PCDH11X: variants seen among roughly 807,000 people sequenced by gnomAD.
The protein encoded by PCDH11X is protocadherin-11 X-linked.
In PCDH11X, 18 loss-of-function variants were observed where a neutral mutation model predicts 53.3. The observed-to-expected ratio is 0.34, with a 90% CI of 0.23 to 0.50. The LOEUF (loss-of-function observed/expected upper bound fraction) is 0.50, where lower values mean the gene tolerates loss of function less well. PCDH11X is among the 20% of genes least tolerant of loss of function. The pLI is 0.98. For missense variants in PCDH11X, 570 were observed against 1,032.4 expected (o/e 0.55, Z 6.14); for synonymous variants, 279 against 393.3 (o/e 0.71, Z 3.44).
intron 9 of PCDH11X, among the ~76,000 whole-genome samples, chrX:92,421,566 GAACAT>G (rs919513214): frequency 1.8e-5 from 2 of 111,592 alleles, no homozygotes; most frequent in African/African-American, 6.5e-5. Context: ...ATGCTGCAAT[GAACAT>G]ACACTTGCAT....
intron 6 of PCDH11X, among the ~76,000 whole-genome samples, chrX:92,171,081 C>T (rs2065817830): frequency 9.6e-6 from 1 of 104,387 alleles, no homozygotes; most frequent in Non-Finnish European, 2.0e-5. Flanking sequence ...GTGAGATTAT[C>T]AGTGCAAGCC....
intron 8 of PCDH11X, among the ~76,000 whole-genome samples, chrX:92,317,610 C>T (rs5942205): frequency 9.1e-6 from 1 of 109,674 alleles, no homozygotes; most frequent in Non-Finnish European, 1.9e-5. Context: ...AAATCTATAG[C>T]ATATTTTGAA....
chrX:92,172,430 C>A (rs1007869997), intron 6 of PCDH11X, among the ~76,000 whole-genome samples: 1 of 110,003 alleles, frequency 9.1e-6, no homozygotes, highest in African/African-American at 3.3e-5. Context: ...GTCTCTGTTG[C>A]CCAGGCTGGA....
At chrX:92,384,278 G>A (rs2754873) in intron 8 of PCDH11X, among the ~76,000 whole-genome samples, 10 of 107,779 alleles carry the variant, frequency 9.3e-5, no homozygotes, top group Middle Eastern at 4.4e-3. Flanking sequence ...GTAGGTTGCC[G>A]GCTCACTCTG....
intron 6 of PCDH11X, among the ~76,000 whole-genome samples, chrX:91,986,644 C>G (rs954329229): frequency 1.6e-4 from 17 of 109,014 alleles, no homozygotes; most frequent in Admixed American, 4.9e-4. Flanking sequence ...GTCTCTTCCT[C>G]CATCCTCAAA....
Position 91,835,657 on chromosome X carries a change from G to A in PCDH11X, c.153G>A (p.Leu51=), listed in dbSNP as rs1467741568. Residue 51 remains leucine, a synonymous_variant, in exon 5 of 11, where the codon CTG becomes CTA. Coordinates refer to ENST00000682573, the MANE Select transcript of PCDH11X (RefSeq NM_032968.5). ...GDLLKDLNLS[L]IPNKSLTTAM... ...TGTTGAAAGACCTTAACTTGTCGCT[G>A]ATTCCAAACAAGTCCTTGACAACTG... is the stretch of plus-strand genomic sequence containing the variant. 1 of 1,208,995 alleles carries A rather than the reference G, an allele frequency of 8.3e-7. No homozygotes were observed. Among genetic ancestry groups the A allele is most frequent in the Non-Finnish European group, 1.1e-6 (1 of 895,093 alleles).
Position 92,250,943 on chromosome X carries a change from T to G in PCDH11X, c.3115-12171T>G, listed in dbSNP as rs1301978175. On this transcript the variant is annotated intron_variant, in intron 7 of 10. Coordinates refer to ENST00000682573, the MANE Select transcript of PCDH11X (RefSeq NM_032968.5). ...CCATGGCGATTGTTACAGATATCTG[T>G]GAATATAGTAAAAAAAACCTCTGAA... Among the ~76,000 whole-genome samples, 3 of 110,334 alleles carry G rather than the reference T, an allele frequency of 2.7e-5. No homozygotes were observed. The East Asian group carries it at 8.5e-4, about 31-fold the overall frequency.
intron 8 of PCDH11X, among the ~76,000 whole-genome samples, chrX:92,352,264 AC>A (rs2070070746): frequency 8.9e-6 from 1 of 111,743 alleles, no homozygotes; most frequent in Non-Finnish European, 1.9e-5. Context: ...ATATACCCAA[AC>A]CTCTCATTTG....
intron 6 of PCDH11X, among the ~76,000 whole-genome samples, chrX:92,176,848 C>CTG (rs1603114233): frequency 1.8e-5 from 2 of 111,497 alleles, no homozygotes; most frequent in Non-Finnish European, 3.8e-5. Flanking sequence ...AGGCTCCACA[C>CTG]TACAGATCCT....
chrX:91,880,087 T>A, intron 6 of PCDH11X: 3 of 227,848 alleles, frequency 1.3e-5, no homozygotes, highest in Non-Finnish European at 1.2e-5. Context: ...CCAAGAAATC[T>A]GTGCACAATA....
chrX:92,080,168 G>A (rs1382613690), intron 6 of PCDH11X, among the ~76,000 whole-genome samples: 7 of 110,812 alleles, frequency 6.3e-5, no homozygotes, highest in Admixed American at 9.7e-5. Context: ...ACCTGTAGAA[G>A]CTAGAAAAGG....
At chrX:91,930,589 GAA>G (rs72053464) in intron 6 of PCDH11X, among the ~76,000 whole-genome samples, 4 of 102,282 alleles carry the variant, frequency 3.9e-5, no homozygotes, top group Non-Finnish European at 6.0e-5. Context: ...TTCTTTCTCA[GAA>G]AAAAAAAACT....
chrX:92,207,013 T>C (rs1215889686), intron 7 of PCDH11X, among the ~76,000 whole-genome samples: 1 of 111,987 alleles, frequency 8.9e-6, no homozygotes. Context: ...TAATTATCAT[T>C]TTTTGTGAGT....
At chrX:91,892,421 G>A (rs1940532154) in intron 6 of PCDH11X, among the ~76,000 whole-genome samples, 1 of 108,948 alleles carries the variant, frequency 9.2e-6, no homozygotes, top group African/African-American at 3.3e-5. Flanking sequence ...ATAGAATAAA[G>A]CCTCAATTTT....
At chrX:92,068,590 A>G (rs5984867) in intron 6 of PCDH11X, among the ~76,000 whole-genome samples, 32,455 of 109,659 alleles carry the variant, frequency 0.3, 5,354 homozygotes, top group African/African-American at 0.62. Flanking sequence ...CCCAGGCTGG[A>G]GTGCAGTTGT....
chrX:91,854,101 T>A (rs1259620391), intron 5 of PCDH11X, among the ~76,000 whole-genome samples: 2 of 111,212 alleles, frequency 1.8e-5, no homozygotes, highest in African/African-American at 3.3e-5. Flanking sequence ...ACGCTAGGTC[T>A]TATTCATTCT....
intron 8 of PCDH11X, among the ~76,000 whole-genome samples, chrX:92,283,714 A>G (rs1380866276): frequency 2.7e-5 from 3 of 111,689 alleles, no homozygotes; most frequent in Non-Finnish European, 5.7e-5. Context: ...TAAAATGTCC[A>G]GTGTGTCTAA....
At chrX:92,227,556 GTA>G (rs1296624081) in intron 7 of PCDH11X, among the ~76,000 whole-genome samples, 1 of 111,222 alleles carries the variant, frequency 9.0e-6, no homozygotes, top group East Asian at 2.8e-4. Context: ...CTTGTAATTA[GTA>G]TGTTTTATCT....
At chrX:92,170,415 G>T (rs374299292) in intron 6 of PCDH11X, among the ~76,000 whole-genome samples, 2 of 110,246 alleles carry the variant, frequency 1.8e-5, no homozygotes, top group East Asian at 2.9e-4. Context: ...TACTGAAAGA[G>T]AGCTCAAAAA....
Sources: allele counts gnomAD v4.1 joint callset (sites outside exome capture counted in the v4.1 genomes callset), GRCh38; gene constraint gnomAD v4.1.1; transcripts MANE v1.5; gene names NCBI Gene and HGNC (gene_info 2026-07-23, HGNC 2026-07-21).